RIC3: variants seen among roughly 807,000 people sequenced by gnomAD.
The protein encoded by RIC3 is RIC3 acetylcholine receptor chaperone, also known as protein RIC-3.
A neutral mutation model predicts 27.3 loss-of-function variants in RIC3; 28 were observed. The ratio of observed to expected loss-of-function variants is 1.02; its 90% confidence interval spans 0.76 to 1.41. The LOEUF (loss-of-function observed/expected upper bound fraction) is 1.41, where lower values mean the gene tolerates loss of function less well. RIC3 is among the 40% of genes most tolerant of loss of function. RIC3 has a pLI of 0.00. For synonymous variants in RIC3, 184 were observed against 160.4 expected, an observed-to-expected ratio of 1.15 and a Z score of -1.11; for missense variants, 501 against 444.7, an observed-to-expected ratio of 1.13 and a Z score of -1.14.
At chr11:8,100,582 T>C in the RIC3 span, 5 of 1,613,556 alleles carry the variant, frequency 3.1e-6, no homozygotes, top group East Asian at 1.1e-4. Flanking sequence ...CATGAGAGAG[T>C]CTCTATCCGC....
At chr11:8,144,559 G>A (rs907309294) in intron 1 of RIC3, among the ~76,000 whole-genome samples, 56 of 150,478 alleles carry the variant, frequency 3.7e-4, no homozygotes, top group Admixed American at 3.0e-3. Context: ...TGGAGAAATA[G>A]GAACACTTTT....
chr11:8,136,030 T>C (rs1948362660), intron 4 of RIC3, among the ~76,000 whole-genome samples: 1 of 152,198 alleles, frequency 6.6e-6, no homozygotes, highest in African/African-American at 2.4e-5. Flanking sequence ...AATGTATCTA[T>C]ACAACTTTGG....
intron 4 of RIC3, among the ~76,000 whole-genome samples, chr11:8,135,204 T>C (rs1396279384): frequency 6.6e-6 from 1 of 152,250 alleles, no homozygotes; most frequent in African/African-American, 2.4e-5. Flanking sequence ...TACATATGGC[T>C]AGCCAGTTTT....
chr11:8,144,309 C>A (rs1346900423), intron 1 of RIC3, among the ~76,000 whole-genome samples: 1 of 150,074 alleles, frequency 6.7e-6, no homozygotes, highest in South Asian at 2.1e-4. Flanking sequence ...CCAGAATCTA[C>A]GATGAACTCA....
At chr11:8,145,601 T>C (rs1040718548) in intron 1 of RIC3, among the ~76,000 whole-genome samples, 3 of 152,042 alleles carry the variant, frequency 2.0e-5, no homozygotes, top group Non-Finnish European at 4.4e-5. Context: ...AAAGGGACTC[T>C]TGAAAAAGGG....
chr11:8,112,110 T>C (rs1460498794), intron 5 of RIC3, among the ~76,000 whole-genome samples: 1 of 152,248 alleles, frequency 6.6e-6, no homozygotes, highest in Non-Finnish European at 1.5e-5. Flanking sequence ...TTTCTACATT[T>C]ACTGCTTTTT....
intron 1 of RIC3, among the ~76,000 whole-genome samples, chr11:8,166,503 G>C (rs1951707692): frequency 6.6e-6 from 1 of 152,090 alleles, no homozygotes; most frequent in Non-Finnish European, 1.5e-5. Context: ...GGGATTTCTG[G>C]GTTCTGAGAA....
At chr11:8,164,796 A>G (rs1346347324) in intron 1 of RIC3, among the ~76,000 whole-genome samples, 1 of 113,746 alleles carries the variant, frequency 8.8e-6, no homozygotes, top group Non-Finnish European at 1.8e-5. Context: ...AAAAAAAAAA[A>G]AAAAAAAAAA....
chr11:8,143,710 C>G (rs932277250), intron 1 of RIC3, among the ~76,000 whole-genome samples: 1 of 151,998 alleles, frequency 6.6e-6, no homozygotes, highest in Non-Finnish European at 1.5e-5. Context: ...AAAAAGAGCC[C>G]GCATCGCCAA....
chr11:8,131,250 G>A (rs966218907), intron 4 of RIC3, among the ~76,000 whole-genome samples: 2 of 152,160 alleles, frequency 1.3e-5, no homozygotes, highest in Admixed American at 1.3e-4. Flanking sequence ...GTCTTTTGCA[G>A]CAAGACAGAC....
chr11:8,133,588 C>A (rs1948002046), intron 4 of RIC3, among the ~76,000 whole-genome samples: 2 of 152,186 alleles, frequency 1.3e-5, no homozygotes, highest in African/African-American at 4.8e-5. Flanking sequence ...ATGCTGCAGG[C>A]TTCAATCAAT....
downstream of RIC3, chr11:8,101,410 GTGTC>G (rs1189546477): frequency 3.8e-6 from 6 of 1,572,814 alleles, no homozygotes; most frequent in Admixed American, 1.0e-4. Flanking sequence ...TGTGGTTTGG[GTGTC>G]TGTCTATCCT....
intron 1 of RIC3, among the ~76,000 whole-genome samples, chr11:8,145,526 T>C (rs372069732): frequency 6.6e-6 from 1 of 152,138 alleles, no homozygotes; most frequent in African/African-American, 2.4e-5. Context: ...CTTGGGTAGG[T>C]ATACATCTCT....
the RIC3 span, chr11:8,095,423 C>T: frequency 2.0e-6 from 3 of 1,499,818 alleles, no homozygotes; most frequent in African/African-American, 1.4e-5. Flanking sequence ...CCCTCATCCC[C>T]TTCATGGACG....
In RIC3 at chr11:8,108,356, A is replaced by G. The variant is rs541562501; in HGVS notation, c.*2342T>C. The G allele has an allele frequency of 2.0e-5, 3 of 152,302 alleles. No individual in the cohort carries two copies. The highest frequency in any genetic ancestry group is 3.9e-4 in the East Asian group (2 of 5,180). 9.4% of individuals were successfully genotyped at this position (152,302 alleles called of 1,614,324 possible). ...AGGCCCACCTCCCAAGAAACTGTGA[A>G]GTTTCTTGGCAATACTTTAGCAAAA... On this transcript the variant is annotated 3_prime_UTR_variant, in exon 6 of 6. Transcript: ENST00000309737.
chr11:8,097,717 T>A, the RIC3 span: 1 of 1,612,918 alleles, frequency 6.2e-7, no homozygotes, highest in South Asian at 1.1e-5. Flanking sequence ...CCCCAAGGTG[T>A]TCCTCCTGGC....
intron 5 of RIC3, among the ~76,000 whole-genome samples, chr11:8,116,579 C>A (rs1199219934): frequency 1.3e-5 from 2 of 152,008 alleles, no homozygotes; most frequent in African/African-American, 4.8e-5. Context: ...CAAAAGAAAA[C>A]CCAATTTAAA....
the RIC3 span, chr11:8,097,589 T>C: frequency 1.3e-3 from 1,710 of 1,301,658 alleles, 16 homozygotes; most frequent in African/African-American, 0.023. Context: ...TCCAGTGCAT[T>C]TGTGTGTGTG....
intron 5 of RIC3, among the ~76,000 whole-genome samples, chr11:8,116,054 G>A (rs1945830856): frequency 6.6e-6 from 1 of 152,128 alleles, no homozygotes; most frequent in South Asian, 2.1e-4. Flanking sequence ...CAGACACACA[G>A]ACTGATGGAA....
Sources: gnomAD v4.1 joint callset for allele counts (sites outside exome capture counted in the v4.1 genomes callset) on GRCh38, gnomAD v4.1.1 for gene constraint, MANE v1.5 for transcripts, NCBI Gene and HGNC (gene_info 2026-07-23, HGNC 2026-07-21) for gene names.